The following XYLT1 variants were observed in gnomAD, a reference collection of about 807,000 sequenced individuals.
The protein encoded by XYLT1 is xylosyltransferase 1.
XYLT1 carries 36 observed loss-of-function variants against 91.3 expected under a neutral mutation model. The observed-to-expected ratio is 0.39, with a 90% CI of 0.30 to 0.52. The LOEUF (loss-of-function observed/expected upper bound fraction) is 0.52. Ranked by LOEUF, XYLT1 falls within the 20% of genes least tolerant of loss-of-function variation. XYLT1 has a pLI of 0.68. For synonymous variants in XYLT1, 588 were observed against 532.0 expected, an observed-to-expected ratio of 1.11 and a Z score of -1.45; for missense variants, 1,242 against 1,284.5, an observed-to-expected ratio of 0.97 and a Z score of 0.51.
At chr16:17,291,609 C>T (rs1015074068) in intron 2 of XYLT1, among the ~76,000 whole-genome samples, 1 of 150,992 alleles carries the variant, frequency 6.6e-6, no homozygotes, top group East Asian at 1.9e-4. Flanking sequence ...CTGTGTTTTC[C>T]TAAAGCTCTG....
At chr16:17,438,265 T>C (rs973306257) in intron 1 of XYLT1, among the ~76,000 whole-genome samples, 1 of 152,222 alleles carries the variant, frequency 6.6e-6, no homozygotes, top group Admixed American at 6.5e-5. Context: ...CCCCTAACTT[T>C]GGTTTGGTGG....
At chr16:17,198,113 G>A in intron 5 of XYLT1, 99 bp downstream of exon 5, 2 of 1,241,960 alleles carry the variant, frequency 1.6e-6, no homozygotes, top group East Asian at 2.3e-5. Flanking sequence ...ATCCTGTGGA[G>A]ACTATGCATC....
chr16:17,160,817 C>T (rs1006173710), intron 5 of XYLT1, among the ~76,000 whole-genome samples: 6 of 152,096 alleles, frequency 3.9e-5, no homozygotes, highest in Non-Finnish European at 8.8e-5. Context: ...TTTAATAAGT[C>T]GCTGGGAGAG....
In XYLT1 at chr16:17,117,833, G is replaced by T. The variant is rs74750647; in HGVS notation, c.2370C>A (p.Val790=). 6.6e-4 allele frequency: 1,073 copies of T among 1,614,132 alleles called. 11 individuals carry two copies. The African/African-American group carries it at 0.012, about 18-fold the overall frequency. ...TGAGGATGTCGTAGGTGGCTGCGAT[G>T]ACATTGACGGGATCCACCCAAATGA... ...VTVIWVDPVN[V]IAATYDILIE... Residue 790 remains valine (V), a synonymous_variant, in exon 11 of 12, where the codon GTC becomes GTA. Transcript: ENST00000261381.
At chr16:17,309,486 C>T (rs907294329) in intron 2 of XYLT1, among the ~76,000 whole-genome samples, 2 of 152,158 alleles carry the variant, frequency 1.3e-5, no homozygotes, top group African/African-American at 4.8e-5. Context: ...CTTGCCTGGG[C>T]TGCTTCAGCC....
At chr16:17,191,043 T>G (rs1045885882) in intron 5 of XYLT1, among the ~76,000 whole-genome samples, 2 of 152,150 alleles carry the variant, frequency 1.3e-5, no homozygotes, top group Non-Finnish European at 2.9e-5. Context: ...TTCTGTTTTG[T>G]TTTTTTGTTT....
At chr16:17,378,762 G>A (rs964127071) in intron 1 of XYLT1, among the ~76,000 whole-genome samples, 1 of 152,224 alleles carries the variant, frequency 6.6e-6, no homozygotes, top group African/African-American at 2.4e-5. Flanking sequence ...CTGGCCCAGT[G>A]CTGCAGAACC....
chr16:17,423,948 C>T (rs1356893175), intron 1 of XYLT1, among the ~76,000 whole-genome samples: 1 of 152,154 alleles, frequency 6.6e-6, no homozygotes, highest in African/African-American at 2.4e-5. Context: ...GAGCAATTCT[C>T]ATAGTATAAG....
intron 1 of XYLT1, among the ~76,000 whole-genome samples, chr16:17,454,380 T>C (rs981033202): frequency 1.3e-5 from 2 of 152,214 alleles, no homozygotes; most frequent in East Asian, 1.9e-4. Flanking sequence ...AGCAAACTTT[T>C]TGGTAACAGG....
rs577814179 is a variant in XYLT1 at position 17,318,611 on chromosome 16, G to A, written c.402+39401C>T. Among the ~76,000 whole-genome samples, 4 of 152,218 alleles carry A rather than the reference G, an allele frequency of 2.6e-5. No homozygotes were observed. In the South Asian group the frequency reaches 6.2e-4, roughly 24 times the overall value. On this transcript the variant is annotated intron_variant, in intron 2 of 11. Transcript: ENST00000261381. ...ATCCTGGGGTCAGTTATGCAGATCC[G>A]AAGCACTACTGGAATTCAGAACCTG...
chr16:17,259,469 C>A lies in XYLT1; in HGVS notation c.432G>T (p.Glu144Asp), dbSNP rs2033689823. ...CGTTGTTGCTGTCTGTTCGCACTTT[C>A]TCTTTCGGCCGATGAGAAAAGTAGC... ...QDGYFSHRPK[E>D]KVRTDSNNEN... is the part of the protein sequence containing the mutation. The change falls in exon 3 of 12, where the codon GAG becomes GAT. Residue 144 changes from glutamate (E) to aspartate (D), a missense_variant. By Grantham distance (45) the Glu-to-Asp change is conservative. This residue lies in a region of XYLT1 where 437 missense variants were observed against 411.5 expected (regional missense o/e 1.06). Transcript: ENST00000261381. The A allele has an allele frequency of 1.2e-6, 2 of 1,610,176 alleles. No homozygotes were observed. Among genetic ancestry groups the A allele is most frequent in the African/African-American group, 1.3e-5 (1 of 74,878 alleles).
chr16:17,266,221 A>G lies in XYLT1; in HGVS notation c.403-6723T>C, dbSNP rs144090016. On this transcript the variant is annotated intron_variant, in intron 2 of 11. Transcript: ENST00000261381. ...CTTCTCCATTTGCTGGGGTTCTTCA[A>G]GCTGGGACAGAACATTTCGCCTCTC... Among the ~76,000 whole-genome samples the G allele has an allele frequency of 1.4e-4, 22 of 152,266 alleles. No individual in the cohort carries two copies. The East Asian group carries it at 3.9e-3, about 27-fold the overall frequency.
intron 2 of XYLT1, among the ~76,000 whole-genome samples, chr16:17,337,775 CTTTT>C (rs71373106): frequency 8.8e-6 from 1 of 114,216 alleles, no homozygotes; most frequent in African/African-American, 4.2e-5. Context: ...CACATTTTTT[CTTTT>C]TCTTTTTTTT....
chr16:17,353,321 C>A (rs772038939), intron 2 of XYLT1, among the ~76,000 whole-genome samples: 3 of 152,108 alleles, frequency 2.0e-5, no homozygotes, highest in Non-Finnish European at 4.4e-5. Context: ...AGGCCATTAG[C>A]TAATTGACAG....
intron 2 of XYLT1, among the ~76,000 whole-genome samples, chr16:17,321,907 CTGTGAA>C (rs1567373743): frequency 1.2e-4 from 19 of 152,146 alleles, no homozygotes; most frequent in African/African-American, 3.6e-4. Flanking sequence ...GCTATCTTTT[CTGTGAA>C]CTTGGGGAGG....
intron 1 of XYLT1, among the ~76,000 whole-genome samples, chr16:17,399,061 C>G (rs1198673185): frequency 2.0e-5 from 3 of 151,966 alleles, no homozygotes; most frequent in Non-Finnish European, 4.4e-5. Flanking sequence ...GCTTAGGGAC[C>G]CCCCCGCTTC....
In XYLT1 at chr16:17,351,749, T is replaced by TGGGC. The variant is rs1555499398; in HGVS notation, c.402+6262_402+6263insGCCC. On this transcript the variant is annotated intron_variant, in intron 2 of 11. Transcript: ENST00000261381. ...CTACTGACATTTGAGGCTTTTTTTT[T>TGGGC]GGGGGGGGGTGCTTTCCTGTGCATT... 1.3e-4 allele frequency among the ~76,000 whole-genome samples: 17 copies of TGGGC among 134,910 alleles called. 1 individual carries two copies. The highest frequency in any genetic ancestry group is 4.6e-4 in the African/African-American group (15 of 32,518). 88.5% of individuals were successfully genotyped at this position (134,910 alleles called of 152,430 possible).
At chr16:17,208,661 G>A (rs370147327) in intron 3 of XYLT1, among the ~76,000 whole-genome samples, 9 of 152,060 alleles carry the variant, frequency 5.9e-5, no homozygotes, top group South Asian at 2.1e-4. Flanking sequence ...TCTGGATTTC[G>A]GAGTACTTCA....
At chr16:17,232,592 G>A (rs1317967824) in intron 3 of XYLT1, among the ~76,000 whole-genome samples, 1 of 151,762 alleles carries the variant, frequency 6.6e-6, no homozygotes, top group Non-Finnish European at 1.5e-5. Context: ...TGTTGGCAGT[G>A]ATGGTGGTGG....
Sources: gnomAD v4.1 joint callset for allele counts (sites outside exome capture counted in the v4.1 genomes callset) on GRCh38, gnomAD v4.1.1 for gene constraint, gnomAD v4.1.1 regional missense constraint, MANE v1.5 for transcripts, NCBI Gene and HGNC (gene_info 2026-07-23, HGNC 2026-07-21) for gene names.